The following ATXN7L1 variants were observed in gnomAD, a reference collection of about 807,000 sequenced individuals.
ATXN7L1 encodes the protein ataxin-7-like protein 1.
In ATXN7L1, 15 loss-of-function variants were observed where a neutral mutation model predicts 70.8. The observed-to-expected ratio is 0.21, with a 90% CI of 0.14 to 0.33. ATXN7L1 has a LOEUF of 0.33. ATXN7L1 is among the 10% of genes least tolerant of loss of function. ATXN7L1 has a pLI of 1.00. For synonymous variants in ATXN7L1, 440 were observed against 445.1 expected (o/e 0.99, Z 0.14); for missense variants, 975 against 1,097.1 (o/e 0.89, Z 1.57).
intron 4 of ATXN7L1, among the ~76,000 whole-genome samples, chr7:105,657,762 G>A (rs1800913393): frequency 1.3e-5 from 2 of 149,458 alleles, no homozygotes; most frequent in Non-Finnish European, 3.0e-5. Context: ...CTGTGGCTGT[G>A]GCTGAACGGG....
intron 2 of ATXN7L1, among the ~76,000 whole-genome samples, chr7:105,820,952 C>A (rs1438146505): frequency 1.3e-5 from 2 of 152,200 alleles, no homozygotes; most frequent in Non-Finnish European, 2.9e-5. Context: ...CTTCTTGAGG[C>A]TTTTACCAGA....
chr7:105,708,374 C>G (rs184553699), intron 3 of ATXN7L1, among the ~76,000 whole-genome samples: 1 of 152,220 alleles, frequency 6.6e-6, no homozygotes, highest in South Asian at 2.1e-4. Flanking sequence ...TCCTCTTCCT[C>G]TCTTCCTCAA....
chr7:105,719,750 C>T (rs1003327568), intron 3 of ATXN7L1, among the ~76,000 whole-genome samples: 1 of 152,098 alleles, frequency 6.6e-6, no homozygotes, highest in Non-Finnish European at 1.5e-5. Flanking sequence ...TTTGGCAGCT[C>T]CATCAACAGA....
At position 105,624,218 on chromosome 7, in the gene ATXN7L1, C is replaced by A; in HGVS notation, c.1252G>T (p.Gly418Cys). 1 of 1,506,278 alleles carries A rather than the reference C, an allele frequency of 6.6e-7. No individual in the cohort carries two copies. The highest frequency in any genetic ancestry group is 8.9e-7 in the Non-Finnish European group (1 of 1,121,846). The allele number at this position is 1,506,278 out of a possible 1,614,324, so 93.3% of individuals were successfully genotyped here. Reference protein sequence around the residue: ...ISSSTSSNHSGHTPEPPLPPV... With the variant: ...ISSSTSSNHSCHTPEPPLPPV... ...GGGAGTGGGGGCTCTGGAGTGTGGC[C>A]GCTATGATTTGAAGATGTGCTGCTG... The change falls in exon 8 of 12, where the codon GGC (glycine) becomes TGC (cysteine). Residue 418 changes from glycine (G) to cysteine (C), a missense_variant. By Grantham distance (159) the Gly-to-Cys change is radical. Coordinates refer to ENST00000419735, the MANE Select transcript of ATXN7L1 (RefSeq NM_020725.2).
At chr7:105,731,992 C>T (rs975398757) in intron 3 of ATXN7L1, among the ~76,000 whole-genome samples, 28 of 151,928 alleles carry the variant, frequency 1.8e-4, no homozygotes, top group African/African-American at 6.8e-4. Flanking sequence ...TTTCGGGAGG[C>T]TGAGGAAGGA....
intron 3 of ATXN7L1, among the ~76,000 whole-genome samples, chr7:105,697,240 G>C (rs1011305723): frequency 6.6e-6 from 1 of 152,168 alleles, no homozygotes; most frequent in Non-Finnish European, 1.5e-5. Flanking sequence ...TTCCTAATAA[G>C]CCTGGGAGCG....
At chr7:105,875,982 A>G in intron 1 of ATXN7L1, 102 bp from the exon 2 acceptor site, 1 of 978,406 alleles carries the variant, frequency 1.0e-6, no homozygotes, top group Non-Finnish European at 1.6e-6. Flanking sequence ...AAACAGATCG[A>G]TATAAATACT....
intron 2 of ATXN7L1, among the ~76,000 whole-genome samples, chr7:105,845,388 G>C (rs1003815404): frequency 8.6e-5 from 13 of 151,784 alleles, no homozygotes; most frequent in Non-Finnish European, 1.9e-4. Context: ...ACAGTTGACA[G>C]AAATTAAGAT....
At chr7:105,787,506 T>A (rs78399058) in intron 3 of ATXN7L1, among the ~76,000 whole-genome samples, 6,010 of 152,248 alleles carry the variant, frequency 0.039, 413 homozygotes, top group African/African-American at 0.14. Context: ...ATTATATATA[T>A]GTAGATATGT....
chr7:105,693,734 C>T (rs928775458), intron 3 of ATXN7L1, among the ~76,000 whole-genome samples: 9 of 152,136 alleles, frequency 5.9e-5, no homozygotes, highest in African/African-American at 1.4e-4. Flanking sequence ...CTTCTGGTTA[C>T]GGGGCCACCA....
At chr7:105,818,580 C>T (rs1012157070) in intron 2 of ATXN7L1, among the ~76,000 whole-genome samples, 3 of 152,170 alleles carry the variant, frequency 2.0e-5, no homozygotes, top group Admixed American at 6.5e-5. Context: ...TGATCAGCTG[C>T]CCTAACACAG....
At chr7:105,729,602 A>G (rs1384399555) in intron 3 of ATXN7L1, among the ~76,000 whole-genome samples, 10 of 151,296 alleles carry the variant, frequency 6.6e-5, no homozygotes, top group Non-Finnish European at 1.5e-4. Flanking sequence ...TCTAATTTTT[A>G]TATTTTTAGT....
At chr7:105,852,163 C>T (rs1341870838) in intron 2 of ATXN7L1, among the ~76,000 whole-genome samples, 1 of 152,110 alleles carries the variant, frequency 6.6e-6, no homozygotes, top group Non-Finnish European at 1.5e-5. Flanking sequence ...TCTCTCTAGT[C>T]CCCCATGAAT....
intron 3 of ATXN7L1, among the ~76,000 whole-genome samples, chr7:105,744,055 T>C (rs1456044938): frequency 1.3e-5 from 2 of 152,148 alleles, no homozygotes; most frequent in Non-Finnish European, 2.9e-5. Flanking sequence ...TGCCCAGTTC[T>C]CTCTCTAAAT....
rs139381366 is a variant in ATXN7L1 at position 105,706,640 on chromosome 7, G to A, written c.356-41352C>T. ...TTTGTGGCCAGTTCTCCATCACTAT[G>A]CCAGCCACCAGCATCCCCTCTGGGG... On this transcript the variant is annotated intron_variant, in intron 3 of 11. Transcript: ENST00000419735. Among the ~76,000 whole-genome samples, 17 of 152,318 alleles carry A rather than the reference G, an allele frequency of 1.1e-4. No homozygotes were observed. The East Asian group carries it at 2.3e-3, about 21-fold the overall frequency.
At chr7:105,618,047 G>A (rs911474248) in intron 9 of ATXN7L1, 1 of 456,748 alleles carries the variant, frequency 2.2e-6, no homozygotes. Context: ...GGTTAGGCAA[G>A]TCCTGAACAG....
chr7:105,686,824 C>T (rs1365393280), intron 3 of ATXN7L1, among the ~76,000 whole-genome samples: 1 of 152,126 alleles, frequency 6.6e-6, no homozygotes, highest in East Asian at 1.9e-4. Context: ...AGTCAGACAC[C>T]GTCTGTATCT....
intron 2 of ATXN7L1, among the ~76,000 whole-genome samples, chr7:105,854,099 C>T (rs965698610): frequency 2.6e-5 from 4 of 152,182 alleles, no homozygotes; most frequent in African/African-American, 9.7e-5. Flanking sequence ...GCAGTTTTCC[C>T]TATAAGGCCG....
chr7:105,760,473 C>G lies in ATXN7L1; in HGVS notation c.355+28131G>C. 3 of 985,792 alleles carry G rather than the reference C, an allele frequency of 3.0e-6. No individual in the cohort carries two copies. In the South Asian group the frequency reaches 1.4e-4, roughly 46 times the overall value. The allele number at this position is 985,792 out of a possible 1,614,324, so 61.1% of individuals were successfully genotyped here. On this transcript the variant is annotated intron_variant, in intron 3 of 11. Transcript: ENST00000419735. Reference sequence around the variant, plus strand: ...ATCCCATTAAGAATTCCTAATGGTACTCTCCTATATACTGGTGAGGTATAA... The same window carrying G: ...ATCCCATTAAGAATTCCTAATGGTAGTCTCCTATATACTGGTGAGGTATAA...
Sources: allele counts gnomAD v4.1 joint callset (sites outside exome capture counted in the v4.1 genomes callset), GRCh38; gene constraint gnomAD v4.1.1; transcripts MANE v1.5; gene names NCBI Gene and HGNC (gene_info 2026-07-23, HGNC 2026-07-21).